APBB2: variants seen among roughly 807,000 people sequenced by gnomAD.
APBB2 encodes Fe65-like 1.
In APBB2, 38 loss-of-function variants were observed where a neutral mutation model predicts 82.5. That is an observed-to-expected ratio of 0.46 (90% CI 0.36 to 0.60). The LOEUF (loss-of-function observed/expected upper bound fraction) is 0.60, where lower values mean the gene tolerates loss of function less well. Ranked by LOEUF, APBB2 falls within the 20% of genes least tolerant of loss-of-function variation. APBB2 has a pLI of 0.00. For missense variants in APBB2, 772 were observed against 972.3 expected (o/e 0.79, Z 2.74); for synonymous variants, 341 against 368.2 (o/e 0.93, Z 0.85).
intron 4 of APBB2, among the ~76,000 whole-genome samples, chr4:41,062,157 CTTAT>C (rs139030241): frequency 0.51 from 76,190 of 149,152 alleles, 20,786 homozygotes; most frequent in East Asian, 0.83. Context: ...ACAAGCAAAT[CTTAT>C]TTATTTATTT....
intron 12 of APBB2, among the ~76,000 whole-genome samples, chr4:40,858,419 C>A (rs1454900595): frequency 2.3e-5 from 3 of 130,154 alleles, no homozygotes; most frequent in Non-Finnish European, 3.1e-5. Flanking sequence ...CGCGCCACTG[C>A]ACTCCAGCCT....
chr4:41,132,180 C>T (rs1756212761), intron 2 of APBB2, among the ~76,000 whole-genome samples: 1 of 152,228 alleles, frequency 6.6e-6, no homozygotes, highest in Admixed American at 6.5e-5. Context: ...TTTCCATCTT[C>T]GTATCTATTA....
At chr4:41,034,379 C>T (rs904404945) in intron 4 of APBB2, among the ~76,000 whole-genome samples, 1 of 152,174 alleles carries the variant, frequency 6.6e-6, no homozygotes. Flanking sequence ...GGCTGGAGGG[C>T]AATAGCGCAA....
chr4:41,037,336 G>A (rs1489922253), intron 4 of APBB2, among the ~76,000 whole-genome samples: 1 of 152,142 alleles, frequency 6.6e-6, no homozygotes, highest in East Asian at 1.9e-4. Context: ...TTGATTGCAT[G>A]TTGAAACGAT....
At chr4:41,196,899 C>G in intron 1 of APBB2, among the ~76,000 whole-genome samples, 1 of 152,212 alleles carries the variant, frequency 6.6e-6, no homozygotes, top group African/African-American at 2.4e-5. Context: ...TCCTTTCCCC[C>G]TCTGAACACA....
At chr4:40,869,314 G>T (rs751063352) in intron 12 of APBB2, among the ~76,000 whole-genome samples, 1 of 152,190 alleles carries the variant, frequency 6.6e-6, no homozygotes, top group Non-Finnish European at 1.5e-5. Context: ...GGGCACAGTG[G>T]CCCACAACTG....
At chr4:41,183,430 C>T (rs1771979838) in intron 1 of APBB2, among the ~76,000 whole-genome samples, 1 of 152,068 alleles carries the variant, frequency 6.6e-6, no homozygotes, top group Admixed American at 6.6e-5. Flanking sequence ...AGAATGTGAT[C>T]GTATTCAGAA....
At chr4:40,968,974 A>C (rs533400006) in intron 6 of APBB2, among the ~76,000 whole-genome samples, 10 of 152,294 alleles carry the variant, frequency 6.6e-5, no homozygotes, top group African/African-American at 1.7e-4. Flanking sequence ...GTGGTTTTAT[A>C]AGGGATTTCT....
intron 4 of APBB2, among the ~76,000 whole-genome samples, chr4:41,036,887 T>C (rs1033511758): frequency 1.3e-5 from 2 of 152,164 alleles, no homozygotes; most frequent in Admixed American, 1.3e-4. Context: ...CTTAGGGGCA[T>C]GGACTAATTC....
At position 40,830,488 on chromosome 4, in the gene APBB2, G is replaced by A. The variant is rs1751505925; in HGVS notation, c.1619C>T (p.Thr540Ile). ...CTTGGAGCAGATCTCGTGGAGACTTGTGGCAATGGCTTTTGCTGGTGTGTC... is the reference window on the plus strand; with the variant it reads ...CTTGGAGCAGATCTCGTGGAGACTTATGGCAATGGCTTTTGCTGGTGTGTC... ...RCDTPAKAIA[T>I]SLHEICSKIM... Residue 540 changes from threonine to isoleucine, a missense_variant, in exon 13 of 18, where the codon ACA becomes ATA. Coordinates refer to ENST00000508593, the MANE Select transcript of APBB2 (RefSeq NM_004307.2). 1 of 1,614,000 alleles carries A rather than the reference G, an allele frequency of 6.2e-7. No individual in the cohort carries two copies. Among genetic ancestry groups the A allele is most frequent in the Middle Eastern group, 1.7e-4 (1 of 6,060 alleles).
At chr4:41,204,188 AAGC>A (rs1307961895) in intron 1 of APBB2, among the ~76,000 whole-genome samples, 1 of 152,260 alleles carries the variant, frequency 6.6e-6, no homozygotes, top group African/African-American at 2.4e-5. Context: ...ACGAGATGGA[AAGC>A]AGATCATGAA....
chr4:41,189,601 C>A (rs1665568764), intron 1 of APBB2, among the ~76,000 whole-genome samples: 1 of 152,156 alleles, frequency 6.6e-6, no homozygotes, highest in African/African-American at 2.4e-5. Context: ...ACAGCCTAAC[C>A]TCAGAAAATC....
At chr4:40,901,398 T>A (rs1392655630) in intron 10 of APBB2, among the ~76,000 whole-genome samples, 1 of 151,006 alleles carries the variant, frequency 6.6e-6, no homozygotes, top group Non-Finnish European at 1.5e-5. Context: ...TCAATAAAGA[T>A]ACCCCTAGGT....
chr4:41,088,524 C>G (rs779109246), intron 3 of APBB2, among the ~76,000 whole-genome samples: 22 of 152,210 alleles, frequency 1.4e-4, no homozygotes, highest in Admixed American at 5.2e-4. Flanking sequence ...TGGGAAGAAG[C>G]AGATCCTGAG....
rs1354310790 is a variant in APBB2, at chr4:40,951,293, T to TA, written c.836-6221dup. ...CTCTATGTATGTTTTTTTGCACAAT[T>TA]AAAAAAAAATACCTCAGTGGAGTTC... On this transcript the variant is annotated intron_variant, in intron 6 of 17. Coordinates refer to ENST00000508593, the MANE Select transcript of APBB2 (RefSeq NM_004307.2). Among the ~76,000 whole-genome samples the TA allele has an allele frequency of 1.9e-4, 29 of 151,852 alleles. No homozygotes were observed. In the East Asian group the frequency reaches 2.9e-3, roughly 15 times the overall value.
chr4:40,998,890 A>T (rs552187166), intron 6 of APBB2, among the ~76,000 whole-genome samples: 2 of 152,304 alleles, frequency 1.3e-5, no homozygotes, highest in East Asian at 1.9e-4. Flanking sequence ...GGTGTGCAGG[A>T]CAAAGCAATG....
chr4:41,156,566 C>T (rs190937335), intron 1 of APBB2, among the ~76,000 whole-genome samples: 40 of 152,246 alleles, frequency 2.6e-4, no homozygotes, highest in Middle Eastern at 3.4e-3. Flanking sequence ...GTGACACTAG[C>T]GGTGAAAATA....
chr4:41,007,830 T>C (rs1407916440), intron 6 of APBB2, among the ~76,000 whole-genome samples: 3 of 152,200 alleles, frequency 2.0e-5, no homozygotes, highest in Non-Finnish European at 2.9e-5. Flanking sequence ...TATACACACA[T>C]AATGAAGACG....
intron 2 of APBB2, among the ~76,000 whole-genome samples, chr4:41,108,434 C>A (rs533823355): frequency 7.9e-5 from 12 of 151,238 alleles, no homozygotes; most frequent in Non-Finnish European, 1.3e-4. Context: ...GGAGGAAGAA[C>A]GTTGAGAAGA....
Sources: allele counts gnomAD v4.1 joint callset (sites outside exome capture counted in the v4.1 genomes callset), GRCh38; gene constraint gnomAD v4.1.1; transcripts MANE v1.5; gene names NCBI Gene and HGNC (gene_info 2026-07-23, HGNC 2026-07-21).